The following ASTN1 variants were observed in gnomAD, a reference collection of about 807,000 sequenced individuals.
ASTN1 encodes the protein astrotactin 1, also known as astrotactin-1.
Under a neutral mutation model 140.7 loss-of-function variants are expected in ASTN1, and 41 were observed. The ratio of observed to expected loss-of-function variants is 0.29; its 90% CI spans 0.23 to 0.38. The LOEUF is 0.38. Among genes scored for constraint, ASTN1 ranks in the 10% least tolerant of loss-of-function variants. ASTN1 has a pLI of 1.00. For missense variants in ASTN1, 1,479 were observed against 1,678.8 expected (o/e 0.88, Z 2.08); for synonymous variants, 640 against 652.2 (o/e 0.98, Z 0.29).
intron 1 of ASTN1, among the ~76,000 whole-genome samples, chr1:177,120,315 T>G (rs1267607700): frequency 1.3e-5 from 2 of 152,144 alleles, no homozygotes; most frequent in Non-Finnish European, 1.5e-5. Context: ...ACTACAGAAA[T>G]CAAGCCTTGA....
chr1:176,915,781 C>T (rs144787668), intron 16 of ASTN1, among the ~76,000 whole-genome samples: 216 of 152,278 alleles, frequency 1.4e-3, no homozygotes, highest in Non-Finnish European at 2.1e-3. Context: ...GATAAGGTCC[C>T]GATGTCTCAC....
chr1:177,016,133 G>C (rs899166344), intron 7 of ASTN1, among the ~76,000 whole-genome samples: 17 of 152,106 alleles, frequency 1.1e-4, no homozygotes, highest in African/African-American at 3.9e-4. Context: ...AGTTAAGGGG[G>C]AAGGTATTGG....
chr1:176,905,005 TTA>T (rs777740842), intron 16 of ASTN1, among the ~76,000 whole-genome samples: 2 of 152,168 alleles, frequency 1.3e-5, no homozygotes, highest in Non-Finnish European at 2.9e-5. Context: ...AATGCTCTCT[TTA>T]TGACTCCATT....
At chr1:176,958,626 T>A in intron 9 of ASTN1, 144 bp from the exon 10 acceptor site, 1 of 1,188,548 alleles carries the variant, frequency 8.4e-7, no homozygotes, top group Non-Finnish European at 1.1e-6. Context: ...GTGCAATGAC[T>A]AAGTTCTAAG....
Position 176,863,535 on chromosome 1 carries a change from G to T in ASTN1, c.*749C>A. The T allele has an allele frequency of 1.0e-6, 1 of 985,452 alleles. No homozygotes were observed. Among genetic ancestry groups the T allele is most frequent in the Non-Finnish European group, 1.2e-6 (1 of 829,928 alleles). The allele number at this position is 985,452 out of a possible 1,614,324, so 61.0% of individuals were successfully genotyped here. ...GGTAGACTTTTCTGAAGGTGCAGTT[G>T]ACAGATGGCATCTTGTTCCCTCTCA... On this transcript the variant is annotated 3_prime_UTR_variant, in exon 23 of 23. Transcript: ENST00000361833.
rs199753166 is a variant in ASTN1 at position 177,087,363 on chromosome 1, G to A, written c.284-26098C>T. On this transcript the variant is annotated intron_variant, in intron 1 of 22. Coordinates refer to ENST00000361833, the MANE Select transcript of ASTN1 (RefSeq NM_004319.3). The stretch of plus-strand genomic sequence containing the variant: ...AGAAACTTGCCTAAATGTGGAAATC[G>A]TCTTTCAGTGACATTCTGGAGATCC... Among the ~76,000 whole-genome samples, 275 of 152,214 alleles carry A rather than the reference G, an allele frequency of 1.8e-3. 1 individual carries two copies. The highest frequency in any genetic ancestry group is 6.5e-3 in the African/African-American group (269 of 41,538).
At chr1:177,137,040 C>T (rs749178014) in intron 1 of ASTN1, among the ~76,000 whole-genome samples, 1 of 152,050 alleles carries the variant, frequency 6.6e-6, no homozygotes, top group Non-Finnish European at 1.5e-5. Context: ...CCAGCCATTG[C>T]AAATGGGAGG....
intron 1 of ASTN1, among the ~76,000 whole-genome samples, chr1:177,150,693 G>C (rs1361882002): frequency 1.3e-5 from 2 of 152,032 alleles, no homozygotes; most frequent in Non-Finnish European, 1.5e-5. Context: ...CCTAGTTATG[G>C]GTAAGTAAAA....
At chr1:176,930,463 G>T (rs1237968842) in intron 16 of ASTN1, among the ~76,000 whole-genome samples, 2 of 152,140 alleles carry the variant, frequency 1.3e-5, no homozygotes, top group Non-Finnish European at 2.9e-5. Flanking sequence ...GACTCACTAA[G>T]GACAAAACCC....
intron 14 of ASTN1, among the ~76,000 whole-genome samples, chr1:176,938,876 G>A (rs1380774915): frequency 6.6e-6 from 1 of 152,160 alleles, no homozygotes; most frequent in Non-Finnish European, 1.5e-5. Context: ...TACTTTGGGA[G>A]GCCGAGGCAG....
intron 5 of ASTN1, among the ~76,000 whole-genome samples, chr1:177,027,907 T>C (rs1676209857): frequency 6.6e-6 from 1 of 152,210 alleles, no homozygotes; most frequent in Non-Finnish European, 1.5e-5. Context: ...GCCTTATCAC[T>C]GGGCCATATT....
intron 8 of ASTN1, among the ~76,000 whole-genome samples, chr1:177,011,339 A>G (rs528069271): frequency 1.9e-4 from 29 of 152,284 alleles, no homozygotes; most frequent in Non-Finnish European, 3.7e-4. Context: ...TTTAGTAAGT[A>G]TTAGATTTCA....
At chr1:177,154,007 C>T (rs999298746) in intron 1 of ASTN1, among the ~76,000 whole-genome samples, 3 of 152,092 alleles carry the variant, frequency 2.0e-5, no homozygotes, top group Non-Finnish European at 2.9e-5. Context: ...TCCAGCCATT[C>T]TGAGCACAGT....
chr1:176,891,548 C>T (rs1409988852), intron 17 of ASTN1, among the ~76,000 whole-genome samples: 2 of 152,190 alleles, frequency 1.3e-5, no homozygotes, highest in Non-Finnish European at 2.9e-5. Context: ...AATCCCAACA[C>T]TTTCGGAGGT....
intron 1 of ASTN1, among the ~76,000 whole-genome samples, chr1:177,123,675 C>G (rs1681507214): frequency 6.6e-6 from 1 of 152,172 alleles, no homozygotes; most frequent in African/African-American, 2.4e-5. Context: ...CTTCTTTATG[C>G]TAGGAGTTCA....
Position 176,958,497 on chromosome 1 carries a change from A to C in ASTN1, c.1599-15T>G, listed in dbSNP as rs535657562. 1 of 1,602,782 alleles carries C rather than the reference A, an allele frequency of 6.2e-7. No individual in the cohort carries two copies. The highest frequency in any genetic ancestry group is 1.1e-5 in the South Asian group (1 of 89,054). Reference sequence around the variant, plus strand: ...TGTAGGTGAATCTGCAGGGACACCCAGTGCCAGGTGGTCATGACTGGGGGC... The same window carrying C: ...TGTAGGTGAATCTGCAGGGACACCCCGTGCCAGGTGGTCATGACTGGGGGC... On this transcript the variant is annotated splice_polypyrimidine_tract_variant and intron_variant, in intron 9 of 22. Transcript: ENST00000361833.
At chr1:176,892,105 G>C (rs137902334) in intron 17 of ASTN1, among the ~76,000 whole-genome samples, 53 of 152,290 alleles carry the variant, frequency 3.5e-4, no homozygotes, top group African/African-American at 1.3e-3. Flanking sequence ...TTGGAGTGCA[G>C]AGTATAAGAT....
chr1:177,079,356 G>A lies in ASTN1; in HGVS notation c.284-18091C>T, dbSNP rs1051476686. On this transcript the variant is annotated intron_variant, in intron 1 of 22. Transcript: ENST00000361833. Reference sequence around the variant, plus strand: ...GTGGAATCAGAAAGGCCAAGTGCTGGGACCAAGCGGGGTCTCTTTCAGCCT... The same window carrying A: ...GTGGAATCAGAAAGGCCAAGTGCTGAGACCAAGCGGGGTCTCTTTCAGCCT... Among the ~76,000 whole-genome samples, 11 of 152,146 alleles carry A rather than the reference G, an allele frequency of 7.2e-5. No homozygotes were observed. The South Asian group carries it at 2.1e-3, about 29-fold the overall frequency.
chr1:177,059,382 C>T (rs899359514), intron 2 of ASTN1, among the ~76,000 whole-genome samples: 4 of 152,168 alleles, frequency 2.6e-5, no homozygotes, highest in African/African-American at 9.7e-5. Context: ...CTACAAGCTA[C>T]AATAAAGAAG....
Sources: gnomAD v4.1 joint callset for allele counts (sites outside exome capture counted in the v4.1 genomes callset) on GRCh38, gnomAD v4.1.1 for gene constraint, MANE v1.5 for transcripts, NCBI Gene and HGNC (gene_info 2026-07-23, HGNC 2026-07-21) for gene names.